The following XPO1 variants were observed in gnomAD, a reference collection of about 807,000 sequenced individuals.
XPO1 encodes exportin 1.
A neutral mutation model predicts 133.3 loss-of-function variants in XPO1; 5 were observed. The observed-to-expected ratio is 0.04, with a 90% CI of 0.02 to 0.08. The LOEUF is 0.08. Ranked by LOEUF, XPO1 falls within the 10% of genes least tolerant of loss-of-function variation. The pLI, the probability that XPO1 is intolerant of heterozygous loss-of-function variation, is 1.00. For missense variants in XPO1, 506 were observed against 1,267.5 expected, an observed-to-expected ratio of 0.40 and a Z score of 9.12; for synonymous variants, 419 against 408.2, an observed-to-expected ratio of 1.03 and a Z score of -0.32.
intron 2 of XPO1, among the ~76,000 whole-genome samples, chr2:61,530,916 C>G (rs1699123575): frequency 6.6e-6 from 1 of 152,106 alleles, no homozygotes; most frequent in African/African-American, 2.4e-5. Flanking sequence ...ACCCTTTAAG[C>G]TGAGTGCCTT....
intron 4 of XPO1, among the ~76,000 whole-genome samples, chr2:61,512,034 G>T (rs1190762311): frequency 1.3e-5 from 2 of 152,112 alleles, no homozygotes; most frequent in African/African-American, 4.8e-5. Flanking sequence ...CTCCCAAAGT[G>T]CTGGGATTAC....
intron 2 of XPO1, among the ~76,000 whole-genome samples, chr2:61,528,781 A>ATATATATAT (rs56083725): frequency 2.0e-5 from 2 of 102,006 alleles, no homozygotes; most frequent in African/African-American, 3.7e-5. Flanking sequence ...ATATATATAT[A>ATATATATAT]GTTTTTTCAT....
At chr2:61,513,680 A>T (rs114464949) in intron 4 of XPO1, among the ~76,000 whole-genome samples, 2,581 of 152,234 alleles carry the variant, frequency 0.017, 56 homozygotes, top group African/African-American at 0.057. Flanking sequence ...TCTTGAATAC[A>T]ACACAAAAAA....
intron 11 of XPO1, among the ~76,000 whole-genome samples, chr2:61,495,203 A>G (rs1448181803): frequency 6.6e-6 from 1 of 152,180 alleles, no homozygotes; most frequent in Non-Finnish European, 1.5e-5. Context: ...TTGAAATTTT[A>G]ACCTTAGAAA....
At chr2:61,494,758 TTGTGTG>T (rs570171080) in intron 11 of XPO1, 1 of 146,778 alleles carries the variant, frequency 6.8e-6, no homozygotes, top group Admixed American at 6.9e-5. Context: ...TGCCACTGAA[TTGTGTG>T]TGTGTGTGTA....
At chr2:61,513,674 GAATAC>G (rs1698209807) in intron 4 of XPO1, among the ~76,000 whole-genome samples, 1 of 151,546 alleles carries the variant, frequency 6.6e-6, no homozygotes, top group African/African-American at 2.4e-5. Context: ...AAGATTTCTT[GAATAC>G]AACACAAAAA....
Position 61,498,584 on chromosome 2 carries a change from A to G in XPO1, c.759+89T>C, listed in dbSNP as rs575617706. The G allele has an allele frequency of 2.7e-5, 40 of 1,499,530 alleles. No individual in the cohort carries two copies. The East Asian group carries it at 9.0e-4, about 34-fold the overall frequency. 92.9% of individuals were successfully genotyped at this position (1,499,530 alleles called of 1,614,324 possible). A position where few individuals can be genotyped will look rare whatever the true frequency, so the allele number is the denominator to read the frequency against. ...CTCGTGTTAGAAACAAGGTTGAATA[A>G]GGTTTAGAATGCAGAGATGAGAGCT... On this transcript the variant is annotated intron_variant, in intron 9 of 24. Transcript: ENST00000401558.
In XPO1 at chr2:61,522,342, C is replaced by A. The variant is rs1472743413; in HGVS notation, c.301+269G>T. Among the ~76,000 whole-genome samples, 50 of 152,164 alleles carry A rather than the reference C, an allele frequency of 3.3e-4. 1 individual carries two copies. Among genetic ancestry groups the A allele is most frequent in the Admixed American group, 3.3e-3 (50 of 15,272 alleles). On this transcript the variant is annotated intron_variant, in intron 4 of 24. Coordinates refer to ENST00000401558, the MANE Select transcript of XPO1 (RefSeq NM_003400.4). ...GAAGTGTTAGGATTACAGGCGTGGG[C>A]CACTGTGCCATAGCCCATATTTTTA...
In XPO1 at chr2:61,498,689, C is replaced by T. The variant is rs2104489232; in HGVS notation, c.743G>A (p.Ser248Asn). Reference protein sequence around the residue: ...LGYIFETKLISTLIYKFLNVP... With the variant: ...LGYIFETKLINTLIYKFLNVP... ...TCACTGTACCTTATAAATCAATGTGCTGATTAATTTGGTCTCAAAAATATA... is the reference window on the plus strand; with the variant it reads ...TCACTGTACCTTATAAATCAATGTGTTGATTAATTTGGTCTCAAAAATATA... Residue 248 changes from serine to asparagine, a missense_variant, in exon 9 of 25, where the codon AGC becomes AAC. Physicochemically the swap from Ser to Asn is conservative, Grantham distance 46 (BLOSUM62 1). Around this residue, in one of 6 missense-constraint regions of XPO1, gnomAD observed 134 missense variants for 261.6 expected, o/e 0.51. Transcript: ENST00000401558. 1 of 1,613,756 alleles carries T rather than the reference C, an allele frequency of 6.2e-7. No homozygotes were observed. The highest frequency in any genetic ancestry group is 8.5e-7 in the Non-Finnish European group (1 of 1,179,890).
chr2:61,515,835 G>A (rs1036272036), intron 4 of XPO1, among the ~76,000 whole-genome samples: 2 of 150,764 alleles, frequency 1.3e-5, no homozygotes, highest in African/African-American at 4.9e-5. Context: ...TGTAATCCCA[G>A]CACTTTGGGA....
intron 2 of XPO1, among the ~76,000 whole-genome samples, chr2:61,528,114 A>T (rs919209357): frequency 6.6e-6 from 1 of 151,750 alleles, no homozygotes; most frequent in East Asian, 2.0e-4. Flanking sequence ...TTCAGTAGAG[A>T]CAGGGTTTCA....
chr2:61,510,350 T>G (rs1698027848), intron 4 of XPO1, among the ~76,000 whole-genome samples: 1 of 152,192 alleles, frequency 6.6e-6, no homozygotes. Flanking sequence ...CTGCTCTCTT[T>G]ACTTACACAA....
In XPO1 at chr2:61,492,919, T is replaced by G. The variant is rs891031239; in HGVS notation, c.1380A>C (p.Thr460=). 1 of 1,597,722 alleles carries G rather than the reference T, an allele frequency of 6.3e-7. No homozygotes were observed. The highest frequency in any genetic ancestry group is 8.5e-7 in the Non-Finnish European group (1 of 1,174,210). The change falls in exon 13 of 25, where the codon ACA becomes ACC. Residue 460 remains threonine (T), a synonymous_variant. Transcript: ENST00000401558. The surrounding 1 kb of genome is among the most constrained non-coding windows in gnomAD (Gnocchi z 5.6). Reference sequence around the variant, plus strand: ...TAACAGTATTTATTAACTTACCCAATGTTTCCCTCATATTCTTATACAAAT... The same window carrying G: ...TAACAGTATTTATTAACTTACCCAAGGTTTCCCTCATATTCTTATACAAAT... ...SINLYKNMRE[T]LVYLTHLDYV...
intron 2 of XPO1, among the ~76,000 whole-genome samples, chr2:61,528,717 C>T (rs1699016989): frequency 7.5e-6 from 1 of 133,940 alleles, no homozygotes; most frequent in African/African-American, 2.7e-5. Flanking sequence ...AAGATCCAGC[C>T]ATGTCGACAT....
chr2:61,518,417 AACACACACACACACACACACACACACAC>A lies in XPO1; in HGVS notation c.301+4166_301+4193del, dbSNP rs200566050. On this transcript the variant is annotated intron_variant, in intron 4 of 24. Transcript: ENST00000401558. Reference sequence around the variant, plus strand: ...AAAAAAAACAAAAAACAAAAAACAAAACACACACACACACACACACACACACACACACACACACACACACACAAAGTTA... The same window carrying A: ...AAAAAAAACAAAAAACAAAAAACAAAACACACACACACACACACAAAGTTA... Among the ~76,000 whole-genome samples the A allele has an allele frequency of 1.5e-4, 19 of 124,458 alleles. 2 individuals are homozygous for A. Among genetic ancestry groups the A allele is most frequent in the South Asian group, 1.5e-3 (6 of 4,118 alleles). 81.6% of individuals were successfully genotyped at this position (124,458 alleles called of 152,430 possible).
intron 21 of XPO1, 21 bp downstream of exon 21, chr2:61,483,915 TA>T (rs1387977456): frequency 6.2e-7 from 1 of 1,607,776 alleles, no homozygotes; most frequent in South Asian, 1.1e-5. Flanking sequence ...GGCAAATGAA[TA>T]AAAGAACATC....
intron 4 of XPO1, among the ~76,000 whole-genome samples, chr2:61,521,771 T>G (rs1698702480): frequency 6.6e-6 from 1 of 151,964 alleles, no homozygotes; most frequent in African/African-American, 2.4e-5. Flanking sequence ...TGTTCTTGTT[T>G]TTTGAGACGG....
intron 23 of XPO1, 131 bp from the exon 24 acceptor site, chr2:61,481,412 C>T (rs1573097539): frequency 2.2e-6 from 1 of 453,122 alleles, no homozygotes; most frequent in Non-Finnish European, 3.8e-6. Flanking sequence ...GGGTTCAAGA[C>T]ATTCTCCTGC....
rs764660265 is a variant in XPO1, at chr2:61,478,795, A to G, written c.*25T>C. ...TTTCCTCTGCTAACGAGTTGCAGAG[A>G]AAAAAAACAGCATGAATTTGGATTT... is the stretch of plus-strand genomic sequence containing the variant. On this transcript the variant is annotated 3_prime_UTR_variant, in exon 25 of 25. Transcript: ENST00000401558. 6.8e-6 allele frequency: 11 copies of G among 1,607,412 alleles called. No homozygotes were observed. Among genetic ancestry groups the G allele is most frequent in the African/African-American group, 6.7e-5 (5 of 74,658 alleles).
Sources: allele counts gnomAD v4.1 joint callset (sites outside exome capture counted in the v4.1 genomes callset), GRCh38; gene constraint gnomAD v4.1.1; regional missense constraint gnomAD v4.1.1; non-coding constraint Gnocchi (gnomAD v3.1); transcripts MANE v1.5; gene names NCBI Gene and HGNC (gene_info 2026-07-23, HGNC 2026-07-21).